Variants in SMARCD3 observed in about 807,000 individuals in gnomAD.
SMARCD3 encodes SWI/SNF related BAF chromatin remodeling complex subunit D3, also known as SWI/SNF-related matrix-associated actin-dependent regulator of chromatin subfamily D member 3.
SMARCD3 carries 14 observed loss-of-function variants against 58.0 expected under a neutral mutation model. The observed-to-expected ratio is 0.24, with a 90% confidence interval of 0.16 to 0.38. The LOEUF is 0.38. SMARCD3 is among the 10% of genes least tolerant of loss of function. SMARCD3 has a pLI of 1.00. For missense variants in SMARCD3, 408 were observed against 636.9 expected, an observed-to-expected ratio of 0.64 and a Z score of 3.87; for synonymous variants, 253 against 253.8, an observed-to-expected ratio of 1.00 and a Z score of 0.03.
rs1168250108 is a variant in SMARCD3, at chr7:151,243,049, T to C, written c.334-206A>G. Among the ~76,000 whole-genome samples, 2 of 152,136 alleles carry C rather than the reference T, an allele frequency of 1.3e-5. No homozygotes were observed. Among genetic ancestry groups the C allele is most frequent in the Non-Finnish European group, 2.9e-5 (2 of 67,998 alleles). On this transcript the variant is annotated intron_variant, in intron 3 of 12. Coordinates refer to ENST00000262188, the MANE Select transcript of SMARCD3 (RefSeq NM_001003801.2). This position sits in a 1 kb window ranked among gnomAD's most constrained non-coding sequence, Gnocchi z 4.4. ...GGGCCTTGCTGTGTAGGGATAACAA[T>C]TGCTTCTCCCTTTAGGAAGTGCCTT...
intron 2 of SMARCD3, among the ~76,000 whole-genome samples, chr7:151,270,699 T>C (rs1427614618): frequency 6.6e-6 from 1 of 151,854 alleles, no homozygotes; most frequent in East Asian, 1.9e-4. Flanking sequence ...GGGCCCTGAG[T>C]GAGGGCACGA....
In SMARCD3 at chr7:151,245,297, C is replaced by T. The variant is rs1803201162; in HGVS notation, c.290+163G>A. Among the ~76,000 whole-genome samples, 1 of 152,216 alleles carries T rather than the reference C, an allele frequency of 6.6e-6. No individual in the cohort carries two copies. ...CACACAAAAGAATCAGGCCGGTGCC[C>T]CCTAAGCCTACCTCCCCAGAGGGCA... On this transcript the variant is annotated intron_variant, in intron 2 of 12. Coordinates refer to ENST00000262188, the MANE Select transcript of SMARCD3 (RefSeq NM_001003801.2). The surrounding 1 kb of genome is among the most constrained non-coding windows in gnomAD (Gnocchi z 6.2).
At chr7:151,252,440 T>TGA (rs35914888), upstream of SMARCD3, among the ~76,000 whole-genome samples, 56,674 of 149,258 alleles carry the variant, frequency 0.38, 11,230 homozygotes, top group East Asian at 0.66. Context: ...TGTGTGTGTG[T>TGA]GAGAGAGAGA....
chr7:151,268,971 G>A (rs1432017405), intron 2 of SMARCD3, among the ~76,000 whole-genome samples: 1 of 152,118 alleles, frequency 6.6e-6, no homozygotes, highest in East Asian at 1.9e-4. Context: ...CTATTACTCT[G>A]CCCCCAGTCA....
At chr7:151,277,083 C>G (rs997928969), upstream of SMARCD3, 44 of 149,886 alleles carry the variant, frequency 2.9e-4, no homozygotes, top group African/African-American at 9.9e-4. Flanking sequence ...TCACCTGCTC[C>G]CCCGGGACCC....
At chr7:151,262,239 C>T (rs1165741015) in intron 2 of SMARCD3, among the ~76,000 whole-genome samples, 1 of 152,170 alleles carries the variant, frequency 6.6e-6, no homozygotes, top group Non-Finnish European at 1.5e-5. Flanking sequence ...TGCCACCATG[C>T]CCGGCCAATT....
chr7:151,276,057 G>GGA lies in SMARCD3; in HGVS notation c.-100+646_-100+647dup, dbSNP rs371023822. On this transcript the variant is annotated intron_variant, in intron 1 of 13. Transcript: ENST00000356800. ...CTGGAGACAGGGAGTGCTGGGGATG[G>GGA]GAGAGCTGGTGGGGTCCGGGAGACA... 4.6e-5 allele frequency among the ~76,000 whole-genome samples: 7 copies of GGA among 151,770 alleles called. 2 individuals are homozygous for GGA. The highest frequency in any genetic ancestry group is 1.7e-4 in the African/African-American group (7 of 41,368).
intron 1 of SMARCD3, among the ~76,000 whole-genome samples, chr7:151,275,929 G>A (rs1230638905): frequency 2.6e-5 from 4 of 152,108 alleles, no homozygotes; most frequent in African/African-American, 7.2e-5. Flanking sequence ...GTGGGGCTTG[G>A]GAGTGGCTCA....
In SMARCD3 at chr7:151,265,667, T is replaced by G. The variant is rs566758179; in HGVS notation, c.39+9447A>C. Among the ~76,000 whole-genome samples the G allele has an allele frequency of 4.3e-4, 65 of 152,168 alleles. 1 individual carries two copies. The highest frequency in any genetic ancestry group is 5.3e-4 in the Non-Finnish European group (36 of 68,020). On this transcript the variant is annotated intron_variant, in intron 2 of 13. Transcript: ENST00000356800. ...TGCAAAGCACAGGGCAGAACCCAGGTCAGAAGGCCTGAGTTTGAGCCTTTA... is the reference window on the plus strand; with the variant it reads ...TGCAAAGCACAGGGCAGAACCCAGGGCAGAAGGCCTGAGTTTGAGCCTTTA...
Position 151,239,257 on chromosome 7 carries a change from G to A in SMARCD3, c.1399-101C>T, listed in dbSNP as rs1208556482. ...GCCTGCCCTGAAAGAGCATCTGGGA[G>A]CAGGGAGGGCCATTGCATGGTGAGG... On this transcript the variant is annotated intron_variant, in intron 12 of 12. Transcript: ENST00000262188. This position sits in a 1 kb window ranked among gnomAD's most constrained non-coding sequence, Gnocchi z 7.0. 32 of 1,398,988 alleles carry A rather than the reference G, an allele frequency of 2.3e-5. No homozygotes were observed. The highest frequency in any genetic ancestry group is 6.7e-5 in the Admixed American group (4 of 59,476). 86.7% of individuals were successfully genotyped at this position (1,398,988 alleles called of 1,614,324 possible). A position where few individuals can be genotyped will look rare whatever the true frequency, so the allele number is the denominator to read the frequency against.
chr7:151,264,782 C>G (rs943565893), intron 2 of SMARCD3, among the ~76,000 whole-genome samples: 1 of 152,172 alleles, frequency 6.6e-6, no homozygotes, highest in Non-Finnish European at 1.5e-5. Context: ...GGAGGGGGAG[C>G]AGACCGTGGG....
At chr7:151,240,042 T>G in intron 10 of SMARCD3, 70 bp downstream of exon 10, 1 of 1,489,586 alleles carries the variant, frequency 6.7e-7, no homozygotes, top group Non-Finnish European at 9.3e-7. Context: ...AACCACACCC[T>G]GGTCTCAGAA....
At position 151,238,892 on chromosome 7, in the gene SMARCD3, A is replaced by G. The variant is rs12669827; in HGVS notation, c.*211T>C. 8.1e-7 allele frequency: 1 copy of G among 1,239,352 alleles called. No homozygotes were observed. Among genetic ancestry groups the G allele is most frequent in the South Asian group, 1.4e-5 (1 of 71,974 alleles). The allele number at this position is 1,239,352 out of a possible 1,614,324, so 76.8% of individuals were successfully genotyped here. On this transcript the variant is annotated 3_prime_UTR_variant, in exon 13 of 13. Coordinates refer to ENST00000262188, the MANE Select transcript of SMARCD3 (RefSeq NM_001003801.2). ...GGGAAGGGAATGGGGAGTCGTCCCG[A>G]GGGACCCACTGCCTCCCCACCTTCT... is the stretch of plus-strand genomic sequence containing the variant.
At position 151,256,188 on chromosome 7, in the gene SMARCD3, T is replaced by C. The variant is rs144556439; in HGVS notation, c.40-10517A>G. On this transcript the variant is annotated intron_variant, in intron 2 of 13. Coordinates refer to the SMARCD3 transcript ENST00000356800. Reference sequence around the variant, plus strand: ...TGAGCCACTGCGCCTGGCTTTTTTTTTTTTTATTTTTGAAACAGAGTGTCG... The same window carrying C: ...TGAGCCACTGCGCCTGGCTTTTTTTCTTTTTATTTTTGAAACAGAGTGTCG... 3.1e-3 allele frequency among the ~76,000 whole-genome samples: 440 copies of C among 143,984 alleles called. 5 individuals carry two copies. Among genetic ancestry groups the C allele is most frequent in the African/African-American group, 0.01 (398 of 38,338 alleles). 94.5% of individuals were successfully genotyped at this position (143,984 alleles called of 152,430 possible).
At chr7:151,270,417 C>A (rs1279446426) in intron 2 of SMARCD3, among the ~76,000 whole-genome samples, 1 of 152,186 alleles carries the variant, frequency 6.6e-6, no homozygotes, top group Non-Finnish European at 1.5e-5. Flanking sequence ...CTGCCTCACA[C>A]ATTTGCTCAT....
intron 2 of SMARCD3, among the ~76,000 whole-genome samples, chr7:151,262,662 T>C (rs1259266823): frequency 6.6e-6 from 1 of 152,162 alleles, no homozygotes; most frequent in Non-Finnish European, 1.5e-5. Context: ...GGTGTGTCCT[T>C]AGGGCCCCGC....
At chr7:151,276,388 G>C (rs527903678) in intron 1 of SMARCD3, among the ~76,000 whole-genome samples, 1 of 146,390 alleles carries the variant, frequency 6.8e-6, no homozygotes, top group African/African-American at 2.5e-5. Context: ...TGCTCGGCAG[G>C]GGGGAGGTGA....
At position 151,240,036 on chromosome 7, in the gene SMARCD3, A is replaced by G. The variant is rs1266742280; in HGVS notation, c.1173+76T>C. 52 of 1,492,890 alleles carry G rather than the reference A, an allele frequency of 3.5e-5. 1 individual carries two copies. The highest frequency in any genetic ancestry group is 4.2e-5 in the Non-Finnish European group (45 of 1,083,064). 92.5% of individuals were successfully genotyped at this position (1,492,890 alleles called of 1,614,324 possible). On this transcript the variant is annotated intron_variant, in intron 10 of 12. Coordinates refer to ENST00000262188, the MANE Select transcript of SMARCD3 (RefSeq NM_001003801.2). The stretch of plus-strand genomic sequence containing the variant: ...TAACCCAGACTGCTCATCTGCAACC[A>G]CACCCTGGTCTCAGAAAAGTCTCCT...
chr7:151,244,880 G>A (rs912961656), intron 2 of SMARCD3, among the ~76,000 whole-genome samples: 1 of 152,214 alleles, frequency 6.6e-6, no homozygotes, highest in African/African-American at 2.4e-5. Context: ...GGAAAGCAAG[G>A]AAATGGGCTG....
Sources: allele counts gnomAD v4.1 joint callset (sites outside exome capture counted in the v4.1 genomes callset), GRCh38; gene constraint gnomAD v4.1.1; non-coding constraint Gnocchi (gnomAD v3.1); transcripts MANE v1.5; gene names NCBI Gene and HGNC (gene_info 2026-07-23, HGNC 2026-07-21).